Variants in MYLK3 observed in about 807,000 individuals in gnomAD.
MYLK3 encodes MLC kinase.
A neutral mutation model predicts 76.3 loss-of-function variants in MYLK3; 55 were observed. The observed-to-expected ratio is 0.72, with a 90% CI of 0.58 to 0.90. The LOEUF (loss-of-function observed/expected upper bound fraction) is 0.90, where lower values mean the gene tolerates loss of function less well. MYLK3 is among the 40% of genes least tolerant of loss of function. MYLK3 has a pLI of 0.00. For missense variants in MYLK3, 973 were observed against 1,053.6 expected (o/e 0.92, Z 1.06); for synonymous variants, 416 against 425.4 (o/e 0.98, Z 0.27).
At chr16:46,709,126 A>G (rs550404340) in intron 12 of MYLK3, among the ~76,000 whole-genome samples, 1 of 152,316 alleles carries the variant, frequency 6.6e-6, no homozygotes, top group Non-Finnish European at 1.5e-5. Flanking sequence ...AATGTAAGTA[A>G]AACCCTGGCT....
chr16:46,711,926 TTTG>T (rs1474356434), intron 10 of MYLK3: 1 of 160,686 alleles, frequency 6.2e-6, no homozygotes, highest in Non-Finnish European at 1.4e-5. Flanking sequence ...GATGAATACC[TTTG>T]TTATTTTCAG....
intron 10 of MYLK3, 56 bp from the exon 11 acceptor site, chr16:46,710,845 T>C (rs1472347390): frequency 6.2e-7 from 1 of 1,604,746 alleles, no homozygotes; most frequent in Non-Finnish European, 8.5e-7. Context: ...CCAACATGCA[T>C]TGGCAGAATA....
At position 46,740,016 on chromosome 16, in the gene MYLK3, G is replaced by A. The variant is rs562593830; in HGVS notation, c.568+41C>T. The A allele has an allele frequency of 9.9e-6, 14 of 1,420,106 alleles. No homozygotes were observed. In the South Asian group the frequency reaches 1.3e-4, roughly 13 times the overall value. 88.0% of individuals were successfully genotyped at this position (1,420,106 alleles called of 1,614,324 possible). A position where few individuals can be genotyped will look rare whatever the true frequency, so the allele number is the denominator to read the frequency against. ...TTGGGGCCTTTATTCTGAAGCTGTT[G>A]TGTCTGCAATGTTAGATAAAGCAAA... On this transcript the variant is annotated intron_variant, in intron 2 of 12. Transcript: ENST00000394809.
In MYLK3 at chr16:46,748,269, G is replaced by T. The variant is rs1417105503; in HGVS notation, c.-76C>A. The T allele has an allele frequency of 3.3e-6, 5 of 1,513,526 alleles. No homozygotes were observed. The Admixed American group carries it at 6.3e-5, about 19-fold the overall frequency. The allele number at this position is 1,513,526 out of a possible 1,614,324, so 93.8% of individuals were successfully genotyped here. ...ACCCCTGGTTCTCACTCAGGCGGTG[G>T]TGTCTGCAAGGTCATTGTCCTCCGT... On this transcript the variant is annotated 5_prime_UTR_variant, in exon 1 of 13. Coordinates refer to ENST00000394809, the MANE Select transcript of MYLK3 (RefSeq NM_182493.3). The surrounding 1 kb of genome is among the most constrained non-coding windows in gnomAD (Gnocchi z 4.3).
chr16:46,717,126 C>G (rs148044291), intron 9 of MYLK3, among the ~76,000 whole-genome samples: 15 of 152,330 alleles, frequency 9.8e-5, no homozygotes, highest in African/African-American at 3.6e-4. Flanking sequence ...GAGGCCTGCA[C>G]TTGTGACCAC....
intron 7 of MYLK3, among the ~76,000 whole-genome samples, chr16:46,728,579 G>A (rs1966846708): frequency 6.6e-6 from 1 of 152,028 alleles, no homozygotes; most frequent in Non-Finnish European, 1.5e-5. Context: ...AAATTAGCTG[G>A]GCATTGTGGC....
At chr16:46,755,189 A>G (rs1244109867) in intron 1 of MYLK3, among the ~76,000 whole-genome samples, 1 of 152,016 alleles carries the variant, frequency 6.6e-6, no homozygotes, top group Admixed American at 6.6e-5. Context: ...TTGAGCCACC[A>G]CACCTGACCC....
intron 12 of MYLK3, 26 bp downstream of exon 12, chr16:46,709,513 C>T: frequency 6.2e-7 from 1 of 1,606,444 alleles, no homozygotes; most frequent in Non-Finnish European, 8.5e-7. Context: ...ACAAATTCCA[C>T]CTTTACTAAG....
At chr16:46,722,570 A>G (rs965608064) in intron 8 of MYLK3, among the ~76,000 whole-genome samples, 2 of 152,242 alleles carry the variant, frequency 1.3e-5, no homozygotes, top group African/African-American at 2.4e-5. Flanking sequence ...TCCAATAAAA[A>G]TATAATGTGA....
At position 46,740,092 on chromosome 16, in the gene MYLK3, C is replaced by T. The variant is rs775342997; in HGVS notation, c.533G>A (p.Ser178Asn). The T allele has an allele frequency of 6.2e-7, 1 of 1,613,572 alleles. No homozygotes were observed. The highest frequency in any genetic ancestry group is 1.1e-5 in the South Asian group (1 of 90,992). Residue 178 changes from serine to asparagine, a missense_variant, in exon 2 of 13, where the codon AGT (serine) becomes AAT (asparagine). Ser to Asn is a conservative substitution (Grantham distance 46). Transcript: ENST00000394809. ...GGKPKHVLST[S>N]GVQSDAREPG... ...CTCCCTGGCATCAGACTGCACCCCA[C>T]TGGTGCTCAGCACATGCTTTGGTTT...
chr16:46,729,004 G>A lies in MYLK3; in HGVS notation c.1772+20C>T, dbSNP rs370111652. The stretch of plus-strand genomic sequence containing the variant: ...AGCCCTGGCTTGAGCCGAGGCGGCC[G>A]CCCCGCCTCTGATACTCACTACTCC... On this transcript the variant is annotated intron_variant, in intron 7 of 12. Transcript: ENST00000394809. 0.012 allele frequency: 18,615 copies of A among 1,583,914 alleles called. 1,998 individuals are homozygous for A. The South Asian group carries it at 0.19, about 16-fold the overall frequency.
chr16:46,756,876 G>C (rs536807829), intron 1 of MYLK3, among the ~76,000 whole-genome samples: 5 of 152,258 alleles, frequency 3.3e-5, no homozygotes, highest in African/African-American at 1.2e-4. Context: ...CGATTGGAAC[G>C]GCCATCCTTA....
intron 1 of MYLK3, chr16:46,762,947 A>G (rs1967299276): frequency 6.4e-6 from 6 of 943,852 alleles, no homozygotes; most frequent in Non-Finnish European, 7.6e-6. Context: ...TCAGACTCCA[A>G]AAGTGTTTTC....
chr16:46,738,531 A>C (rs1434919690), intron 2 of MYLK3, among the ~76,000 whole-genome samples: 1 of 152,228 alleles, frequency 6.6e-6, no homozygotes, highest in Non-Finnish European at 1.5e-5. Flanking sequence ...CTTGCACTCC[A>C]GCCTGGGCAA....
chr16:46,707,744 G>A lies in MYLK3; in HGVS notation c.2420C>T (p.Thr807Ile). 6.2e-7 allele frequency: 1 copy of A among 1,612,902 alleles called. No homozygotes were observed. The highest frequency in any genetic ancestry group is 1.1e-5 in the South Asian group (1 of 91,030). The change falls in exon 13 of 13, where the codon ACT (threonine) becomes ATT (isoleucine). Residue 807 changes from threonine (T) to isoleucine (I), a missense_variant. This residue lies in a region of MYLK3 where 332 missense variants were observed against 416.6 expected (regional missense o/e 0.80). Transcript: ENST00000394809. ...RKWKKHFYVV[T>I]AANRLRKFPT... ...AAATTTCCTTAACCTGTTGGCAGCA[G>A]TCACCACATAGAAATGTTTCTTGAG...
chr16:46,727,787 G>A (rs562633658), intron 7 of MYLK3, among the ~76,000 whole-genome samples: 3 of 152,264 alleles, frequency 2.0e-5, no homozygotes, highest in African/African-American at 4.8e-5. Context: ...TCGGCCTCCC[G>A]AAGTGCTGAG....
At chr16:46,717,283 T>C (rs1015492745) in intron 9 of MYLK3, among the ~76,000 whole-genome samples, 1 of 152,144 alleles carries the variant, frequency 6.6e-6, no homozygotes, top group African/African-American at 2.4e-5. Flanking sequence ...AGCTGCCCGC[T>C]TTTGATCACA....
intron 1 of MYLK3, among the ~76,000 whole-genome samples, chr16:46,740,600 G>T (rs1966916356): frequency 7.1e-6 from 1 of 140,972 alleles, no homozygotes; most frequent in South Asian, 2.2e-4. Flanking sequence ...CATCCAGGCT[G>T]CAGTGCAGTG....
chr16:46,746,810 G>A (rs1967033091), intron 1 of MYLK3, among the ~76,000 whole-genome samples: 1 of 152,182 alleles, frequency 6.6e-6, no homozygotes, highest in Admixed American at 6.5e-5. Flanking sequence ...GCAGACAGCG[G>A]GGGCTAGGGA....
Sources: gnomAD v4.1 joint callset for allele counts (sites outside exome capture counted in the v4.1 genomes callset) on GRCh38, gnomAD v4.1.1 for gene constraint, gnomAD v4.1.1 regional missense constraint, Gnocchi (gnomAD v3.1) non-coding constraint, MANE v1.5 for transcripts, NCBI Gene and HGNC (gene_info 2026-07-23, HGNC 2026-07-21) for gene names.